KDM4C: variants seen among roughly 807,000 people sequenced by gnomAD.
KDM4C encodes lysine-specific demethylase 4C.
A neutral mutation model predicts 129.3 loss-of-function variants in KDM4C; 81 were observed. That is an observed-to-expected ratio of 0.63 (90% CI 0.52 to 0.75). The LOEUF is 0.75. Ranked by LOEUF, KDM4C falls within the 30% of genes least tolerant of loss-of-function variation. The pLI, the probability that KDM4C is intolerant of heterozygous loss-of-function variation, is 0.00. For missense variants in KDM4C, 1,457 were observed against 1,304.0 expected (o/e 1.12, Z -1.81); for synonymous variants, 573 against 456.1 (o/e 1.26, Z -3.26).
intron 17 of KDM4C, among the ~76,000 whole-genome samples, chr9:7,091,357 C>G (rs1322717425): frequency 1.3e-5 from 2 of 151,956 alleles, no homozygotes; most frequent in East Asian, 1.9e-4. Flanking sequence ...TCACACAAGT[C>G]TAGTAATAGA....
intron 15 of KDM4C, among the ~76,000 whole-genome samples, chr9:7,042,012 G>A (rs762323849): frequency 2.6e-5 from 4 of 151,744 alleles, no homozygotes; most frequent in South Asian, 2.1e-4. Flanking sequence ...TTTGTTTCCC[G>A]CTAAACAGCT....
chr9:7,013,708 G>C (rs1249320613), intron 13 of KDM4C, 80 bp from the exon 14 acceptor site: 5 of 1,311,746 alleles, frequency 3.8e-6, no homozygotes, highest in Non-Finnish European at 5.3e-6. Context: ...GTCTGGAACA[G>C]GAGTTAGTGG....
intron 8 of KDM4C, among the ~76,000 whole-genome samples, chr9:6,907,227 A>T (rs1407198322): frequency 6.6e-6 from 1 of 152,232 alleles, no homozygotes; most frequent in East Asian, 1.9e-4. Context: ...CTGTATTTTT[A>T]AAAAGCAATC....
At chr9:6,918,157 T>A (rs1397446007) in intron 8 of KDM4C, among the ~76,000 whole-genome samples, 2 of 152,172 alleles carry the variant, frequency 1.3e-5, no homozygotes, top group Non-Finnish European at 2.9e-5. Flanking sequence ...TAGCTTTTTT[T>A]AGCCTTTGCC....
chr9:6,890,603 A>T (rs1401425206), intron 7 of KDM4C, among the ~76,000 whole-genome samples: 1 of 151,654 alleles, frequency 6.6e-6, no homozygotes, highest in African/African-American at 2.4e-5. Context: ...TAAAATTCAG[A>T]GTTGCATTCT....
intron 8 of KDM4C, among the ~76,000 whole-genome samples, chr9:6,965,617 C>T (rs1234661060): frequency 6.6e-6 from 1 of 152,210 alleles, no homozygotes; most frequent in Non-Finnish European, 1.5e-5. Flanking sequence ...AGCTGGCATT[C>T]TTGAGACCCA....
At chr9:7,024,406 A>C (rs193228844) in intron 15 of KDM4C, among the ~76,000 whole-genome samples, 2 of 151,134 alleles carry the variant, frequency 1.3e-5, no homozygotes, top group East Asian at 3.9e-4. Context: ...ATATGTATAC[A>C]TGTGCCATGT....
At chr9:7,060,159 C>G (rs914342245) in intron 17 of KDM4C, among the ~76,000 whole-genome samples, 2 of 150,344 alleles carry the variant, frequency 1.3e-5, no homozygotes, top group African/African-American at 4.9e-5. Flanking sequence ...TGTCCTCCAC[C>G]ATTTTAGGCA....
At chr9:6,752,332 C>CAAAAAAAAAA (rs1159747148) in intron 1 of KDM4C, among the ~76,000 whole-genome samples, 7 of 19,260 alleles carry the variant, frequency 3.6e-4, no homozygotes, top group Admixed American at 8.3e-4. Context: ...AACTCCGTCT[C>CAAAAAAAAAA]AAAAAAAAAA....
chr9:6,736,420 G>T (rs573173488), intron 1 of KDM4C, among the ~76,000 whole-genome samples: 30 of 152,272 alleles, frequency 2.0e-4, no homozygotes, highest in African/African-American at 6.7e-4. Context: ...AAGTGGTTCT[G>T]TGGGCTGGGC....
At chr9:7,022,789 TC>T in intron 15 of KDM4C, among the ~76,000 whole-genome samples, 1 of 152,176 alleles carries the variant, frequency 6.6e-6, no homozygotes, top group East Asian at 1.9e-4. Context: ...TGTGAGTTGG[TC>T]ATATATGGCT....
At chr9:6,824,944 G>C (rs1445732159) in intron 4 of KDM4C, among the ~76,000 whole-genome samples, 1 of 151,938 alleles carries the variant, frequency 6.6e-6, no homozygotes, top group African/African-American at 2.4e-5. Context: ...AAGAGTTCGA[G>C]ACCAGCCTGG....
intron 1 of KDM4C, among the ~76,000 whole-genome samples, chr9:6,734,373 C>G (rs1009302542): frequency 3.3e-5 from 5 of 150,110 alleles, no homozygotes; most frequent in Non-Finnish European, 7.4e-5. Context: ...CAGCCCACCA[C>G]AACCTCTGCC....
intron 6 of KDM4C, among the ~76,000 whole-genome samples, chr9:6,886,941 T>C (rs924241194): frequency 6.6e-6 from 1 of 152,180 alleles, no homozygotes; most frequent in African/African-American, 2.4e-5. Context: ...TCTTGAGTTA[T>C]CTGCATAGAG....
intron 5 of KDM4C, among the ~76,000 whole-genome samples, chr9:6,863,437 T>A (rs1284775509): frequency 1.3e-5 from 2 of 152,000 alleles, no homozygotes; most frequent in Non-Finnish European, 2.9e-5. Context: ...CTGGTGAGGG[T>A]CACATGTTGC....
chr9:6,893,091 G>T lies in KDM4C; in HGVS notation c.784-4G>T, dbSNP rs189601687. 2.5e-5 allele frequency: 38 copies of T among 1,525,588 alleles called. No individual in the cohort carries two copies. The African/African-American group carries it at 4.7e-4, about 19-fold the overall frequency. 94.5% of individuals were successfully genotyped at this position (1,525,588 alleles called of 1,614,324 possible). ...CAAAATATTATATGTTTCCTACCTTGCAGATAACCCAGGAGGCTGGAGAAT... is the reference window on the plus strand; with the variant it reads ...CAAAATATTATATGTTTCCTACCTTTCAGATAACCCAGGAGGCTGGAGAAT... On this transcript the variant is annotated splice_region_variant and splice_polypyrimidine_tract_variant and intron_variant, in intron 7 of 21. Coordinates refer to ENST00000381309, the MANE Select transcript of KDM4C (RefSeq NM_015061.6).
intron 19 of KDM4C, among the ~76,000 whole-genome samples, chr9:7,156,058 G>C (rs542389142): frequency 2.0e-4 from 31 of 152,292 alleles, no homozygotes; most frequent in African/African-American, 7.5e-4. Flanking sequence ...ATTCTAACTG[G>C]TGTGAGATGG....
intron 18 of KDM4C, among the ~76,000 whole-genome samples, chr9:7,113,460 C>G (rs150310731): frequency 0.011 from 1,642 of 152,014 alleles, 5 homozygotes; most frequent in Middle Eastern, 0.02. Flanking sequence ...ATTTTTGAAC[C>G]CTATTCAGAA....
intron 8 of KDM4C, among the ~76,000 whole-genome samples, chr9:6,900,051 T>C (rs1182096465): frequency 6.6e-6 from 1 of 152,254 alleles, no homozygotes; most frequent in African/African-American, 2.4e-5. Context: ...TAATAATATT[T>C]GACATTGTCT....
Sources: allele counts gnomAD v4.1 joint callset (sites outside exome capture counted in the v4.1 genomes callset), GRCh38; gene constraint gnomAD v4.1.1; transcripts MANE v1.5; gene names NCBI Gene and HGNC (gene_info 2026-07-23, HGNC 2026-07-21).